NCOR2: variants seen among roughly 807,000 people sequenced by gnomAD.
The protein encoded by NCOR2 is nuclear receptor corepressor 2, also known as CTG repeat protein 26.
NCOR2 carries 81 observed loss-of-function variants against 262.9 expected under a neutral mutation model. The ratio of observed to expected loss-of-function variants is 0.31; its 90% CI spans 0.26 to 0.37. The LOEUF (loss-of-function observed/expected upper bound fraction) is 0.37. Among genes scored for constraint, NCOR2 ranks in the 10% least tolerant of loss-of-function variants. NCOR2 has a pLI of 1.00. For missense variants in NCOR2, 3,385 were observed against 3,621.4 expected (o/e 0.93, Z 1.68); for synonymous variants, 1,659 against 1,559.3 (o/e 1.06, Z -1.51).
At chr12:124,490,332 C>T (rs2048010836) in intron 1 of NCOR2, among the ~76,000 whole-genome samples, 1 of 152,200 alleles carries the variant, frequency 6.6e-6, no homozygotes, top group Admixed American at 6.5e-5. Flanking sequence ...GACAAGGATG[C>T]TTACCTGTTC....
chr12:124,496,791 C>T (rs1402597936), upstream of NCOR2, among the ~76,000 whole-genome samples: 1 of 152,058 alleles, frequency 6.6e-6, no homozygotes, highest in African/African-American at 2.4e-5. This position sits in a 1 kb window ranked among gnomAD's most constrained non-coding sequence, Gnocchi z 4.4. Context: ...CAGAGTCCTG[C>T]ATGCTTCTGG....
At chr12:124,425,043 T>C (rs571972458) in intron 11 of NCOR2, among the ~76,000 whole-genome samples, 2 of 152,346 alleles carry the variant, frequency 1.3e-5, no homozygotes, top group African/African-American at 4.8e-5. Context: ...CGGCTTTAAA[T>C]GCGGCCCAAT....
At position 124,549,264 on chromosome 12, in the gene NCOR2, G is replaced by A. The variant is rs887847382; in HGVS notation, c.-164-13653C>T. On this transcript the variant is annotated intron_variant, in intron 1 of 32. Coordinates refer to the NCOR2 transcript ENST00000458234. This position sits in a 1 kb window ranked among gnomAD's most constrained non-coding sequence, Gnocchi z 4.4. ...CACTGAGACAGGCAGGCACGCAGCT[G>A]AGGGGCTGGCGGTGGGAGGGGCAGG... 2.6e-5 allele frequency among the ~76,000 whole-genome samples: 4 copies of A among 152,076 alleles called. No individual in the cohort carries two copies. The highest frequency in any genetic ancestry group is 9.7e-5 in the African/African-American group (4 of 41,400).
chr12:124,374,858 G>A (rs953165830), intron 18 of NCOR2, among the ~76,000 whole-genome samples: 5 of 152,238 alleles, frequency 3.3e-5, no homozygotes, highest in Admixed American at 2.0e-4. Flanking sequence ...CAAGGTTGCA[G>A]GGAGAGGCTT....
chr12:124,545,767 G>C (rs985944046), intron 1 of NCOR2, among the ~76,000 whole-genome samples: 1 of 152,026 alleles, frequency 6.6e-6, no homozygotes, highest in African/African-American at 2.4e-5. Context: ...GCCCCGTGCT[G>C]GGAAGTTCTT....
chr12:124,423,783 G>A (rs2043365562), intron 11 of NCOR2, among the ~76,000 whole-genome samples: 1 of 152,116 alleles, frequency 6.6e-6, no homozygotes, highest in East Asian at 1.9e-4. Context: ...TACCTCACTT[G>A]CACCCCTGGA....
At chr12:124,400,445 G>A (rs1014180846) in intron 15 of NCOR2, 56 bp downstream of exon 17, 39 of 1,581,402 alleles carry the variant, frequency 2.5e-5, no homozygotes, top group African/African-American at 1.3e-4. Context: ...TCATATGAGC[G>A]CAACCCGCCG....
intron 42 of NCOR2, among the ~76,000 whole-genome samples, chr12:124,332,678 G>A (rs80090436): frequency 0.021 from 3,190 of 152,212 alleles, 119 homozygotes; most frequent in African/African-American, 0.072. Context: ...CTTGGGAGAC[G>A]CCTGGCTGCG....
chr12:124,386,187 G>A (rs532140815), intron 16 of NCOR2, among the ~76,000 whole-genome samples: 7 of 152,296 alleles, frequency 4.6e-5, no homozygotes, highest in South Asian at 2.1e-4. Context: ...AAGTCCCACC[G>A]AGGCCACTGC....
At chr12:124,333,381 G>C in intron 41 of NCOR2, 102 bp from the exon 44 acceptor site, 4 of 1,124,302 alleles carry the variant, frequency 3.6e-6, no homozygotes, top group Non-Finnish European at 4.6e-6. Flanking sequence ...TTTCCTGTAC[G>C]TGGCCAAATC....
chr12:124,326,079 C>T (rs1459543972), intron 46 of NCOR2, 112 bp downstream of exon 48: 5 of 1,228,486 alleles, frequency 4.1e-6, no homozygotes, highest in South Asian at 3.5e-5. Context: ...CAGAACAGGC[C>T]CGAGTCTGAG....
At chr12:124,337,171 G>A (rs1451647170) in exon 38 of NCOR2, 1 of 1,540,026 alleles carries the variant, frequency 6.5e-7, no homozygotes, top group Non-Finnish European at 8.8e-7. Flanking sequence ...GTGAGGAGGT[G>A]GAGGTGGACC....
chr12:124,460,112 C>T (rs935291363), intron 5 of NCOR2, among the ~76,000 whole-genome samples: 5 of 152,328 alleles, frequency 3.3e-5, no homozygotes, highest in African/African-American at 4.8e-5. Context: ...ACAGCACATG[C>T]GGTCAGGGAT....
At chr12:124,455,883 C>T (rs775787932) in intron 6 of NCOR2, among the ~76,000 whole-genome samples, 9 of 152,126 alleles carry the variant, frequency 5.9e-5, no homozygotes, top group African/African-American at 1.7e-4. Context: ...ACTTCTGTTT[C>T]GTTTTTTTAT....
At position 124,363,679 on chromosome 12, in the gene NCOR2, G is replaced by A. The variant is rs199599471; in HGVS notation, c.2928C>T (p.Ile976=). 349 of 1,379,168 alleles carry A rather than the reference G, an allele frequency of 2.5e-4. No individual in the cohort carries two copies. In the African/African-American group the frequency reaches 3.0e-3, roughly 12 times the overall value. 85.4% of individuals were successfully genotyped at this position (1,379,168 alleles called of 1,614,324 possible). ...TGGGGCTCTGGGGGTGGGCACTCACGATGGGGGGGATGGCAGCCGCTCGCT... is the reference window on the plus strand; with the variant it reads ...TGGGGCTCTGGGGGTGGGCACTCACAATGGGGGGGATGGCAGCCGCTCGCT... The change falls in exon 21 of 47, where the codon ATC becomes ATT. Residue 976 remains isoleucine (I), a splice_region_variant and synonymous_variant. Coordinates refer to ENST00000405201, the Ensembl canonical transcript of NCOR2.
At chr12:124,368,701 T>A (rs2136004204) in intron 20 of NCOR2, among the ~76,000 whole-genome samples, 1 of 152,250 alleles carries the variant, frequency 6.6e-6, no homozygotes, top group African/African-American at 2.4e-5. Context: ...CCCTCCAATG[T>A]CACCTCCCCA....
At chr12:124,462,733 G>C (rs2136607937) in intron 5 of NCOR2, among the ~76,000 whole-genome samples, 1 of 152,268 alleles carries the variant, frequency 6.6e-6, no homozygotes, top group Admixed American at 6.5e-5. Flanking sequence ...CAAGCATGAG[G>C]AGTGCCAAAA....
upstream of NCOR2, among the ~76,000 whole-genome samples, chr12:124,497,025 T>C (rs960319813): frequency 6.6e-6 from 1 of 152,172 alleles, no homozygotes; most frequent in Non-Finnish European, 1.5e-5. This position sits in a 1 kb window ranked among gnomAD's most constrained non-coding sequence, Gnocchi z 4.2. Context: ...GCAGGTTGTG[T>C]CCGATGGTGG....
intron 16 of NCOR2, among the ~76,000 whole-genome samples, chr12:124,397,362 C>G (rs2041745698): frequency 6.6e-6 from 1 of 152,220 alleles, no homozygotes; most frequent in South Asian, 2.1e-4. Flanking sequence ...AAACCGAGGC[C>G]CAGAGGCAGG....
Sources: allele counts gnomAD v4.1 joint callset (sites outside exome capture counted in the v4.1 genomes callset), GRCh38; gene constraint gnomAD v4.1.1; non-coding constraint Gnocchi (gnomAD v3.1); transcripts MANE v1.5; gene names NCBI Gene and HGNC (gene_info 2026-07-23, HGNC 2026-07-21).